The following GNL2 variants were observed in gnomAD, a reference collection of about 807,000 sequenced individuals.
GNL2 encodes the protein G protein nucleolar 2.
GNL2 carries 51 observed loss-of-function variants against 92.3 expected under a neutral mutation model. That is an observed-to-expected ratio of 0.55 (90% CI 0.44 to 0.70). The LOEUF (loss-of-function observed/expected upper bound fraction) is 0.70, where lower values mean the gene tolerates loss of function less well. Ranked by LOEUF, GNL2 falls within the 30% of genes least tolerant of loss-of-function variation. The pLI, the probability that GNL2 is intolerant of heterozygous loss-of-function variation, is 0.00. For missense variants in GNL2, 844 were observed against 895.6 expected (o/e 0.94, Z 0.74); for synonymous variants, 283 against 300.6 (o/e 0.94, Z 0.61).
intron 1 of GNL2, 148 bp from the exon 2 acceptor site, chr1:37,593,994 C>T (rs1336616227): frequency 8.7e-6 from 5 of 577,172 alleles, no homozygotes; most frequent in Non-Finnish European, 1.2e-5. Flanking sequence ...TATGTTGCTC[C>T]AATAATTAGT....
chr1:37,585,302 G>A (rs1156950671), intron 5 of GNL2, among the ~76,000 whole-genome samples: 2 of 151,674 alleles, frequency 1.3e-5, no homozygotes, highest in Non-Finnish European at 1.5e-5. Flanking sequence ...CAGGTGATCC[G>A]CCCGCCTCAG....
chr1:37,587,320 G>C lies in GNL2; in HGVS notation c.560C>G (p.Thr187Ser). Residue 187 changes from threonine (T) to serine (S), a missense_variant, in exon 5 of 16, where the codon ACT becomes AGT. By Grantham distance (58) the Thr-to-Ser change is moderately conservative. Coordinates refer to ENST00000373062, the MANE Select transcript of GNL2 (RefSeq NM_013285.3). ...AAAAAAAAAAATGTACCTCACACCA[G>C]TGTCTTCAGTTACCAAATCACGATC... is the stretch of plus-strand genomic sequence containing the variant. ...GKDRDLVTED[T>S]GVRNEAQEEI... The C allele has an allele frequency of 6.3e-7, 1 of 1,582,764 alleles. No individual in the cohort carries two copies. The highest frequency in any genetic ancestry group is 8.6e-7 in the Non-Finnish European group (1 of 1,163,974).
intron 13 of GNL2, 99 bp from the exon 14 acceptor site, chr1:37,568,456 C>T (rs1643542314): frequency 1.4e-6 from 1 of 738,038 alleles, no homozygotes; most frequent in South Asian, 1.6e-5. Context: ...AGAAACCCCA[C>T]TCCTATCCAA....
intron 9 of GNL2, 112 bp downstream of exon 9, chr1:37,576,313 ACTC>A: frequency 2.2e-6 from 2 of 907,466 alleles, no homozygotes; most frequent in Non-Finnish European, 3.4e-6. Context: ...GGTGAGCTAA[ACTC>A]CTAGTGGTGG....
In GNL2 at chr1:37,595,747, T is replaced by G. The variant is rs1269408687; in HGVS notation, c.64+12A>C. On this transcript the variant is annotated intron_variant, in intron 1 of 15. Transcript: ENST00000373062. ...TCCAAGCTCCACCCTCGATCAGCCC[T>G]GCCGCCTGTACCTGGGTTTGTGCTG... 6 of 1,612,956 alleles carry G rather than the reference T, an allele frequency of 3.7e-6. No homozygotes were observed. Among genetic ancestry groups the G allele is most frequent in the Non-Finnish European group, 5.1e-6 (6 of 1,178,990 alleles).
intron 3 of GNL2, 151 bp from the exon 4 acceptor site, chr1:37,590,996 G>A: frequency 1.5e-6 from 1 of 656,918 alleles, no homozygotes; most frequent in Non-Finnish European, 2.5e-6. Context: ...CTTAAAAGAG[G>A]AAAAAACCAA....
chr1:37,572,229 TC>T (rs929882810), intron 12 of GNL2, among the ~76,000 whole-genome samples: 1 of 152,136 alleles, frequency 6.6e-6, no homozygotes, highest in African/African-American at 2.4e-5. Context: ...GCCTACTGTC[TC>T]CCTGTGATAT....
intron 12 of GNL2, among the ~76,000 whole-genome samples, chr1:37,572,087 C>T (rs573971923): frequency 6.6e-6 from 1 of 152,136 alleles, no homozygotes; most frequent in Non-Finnish European, 1.5e-5. Flanking sequence ...ATATTAAGGG[C>T]TCTGCTGAAG....
At chr1:37,577,143 C>G (rs1220785042) in intron 8 of GNL2, among the ~76,000 whole-genome samples, 1 of 151,642 alleles carries the variant, frequency 6.6e-6, no homozygotes, top group Non-Finnish European at 1.5e-5. Context: ...AGAAAAACAG[C>G]TTGTTAGTCA....
intron 5 of GNL2, 36 bp downstream of exon 5, chr1:37,587,275 A>AC (rs1643862637): frequency 1.3e-6 from 2 of 1,504,920 alleles, no homozygotes; most frequent in Non-Finnish European, 1.8e-6. Context: ...TCAAAAAAAA[A>AC]AAAACAAAAA....
Position 37,581,209 on chromosome 1 carries a change from G to A in GNL2, c.909+1014C>T, listed in dbSNP as rs1476550376. On this transcript the variant is annotated intron_variant, in intron 8 of 15. Coordinates refer to ENST00000373062, the MANE Select transcript of GNL2 (RefSeq NM_013285.3). ...ATAAGCATGTACTAAAAATATGGAG[G>A]AAAATAACAGAACTAATGGCTATTG... 8 of 368,856 alleles carry A rather than the reference G, an allele frequency of 2.2e-5. No individual in the cohort carries two copies. The East Asian group carries it at 2.2e-4, about 10-fold the overall frequency. The allele number at this position is 368,856 out of a possible 1,614,324, so 22.8% of individuals were successfully genotyped here.
chr1:37,582,066 T>C (rs1015307604), intron 8 of GNL2, among the ~76,000 whole-genome samples, 157 bp downstream of exon 8: 2 of 152,088 alleles, frequency 1.3e-5, no homozygotes, highest in Non-Finnish European at 2.9e-5. Flanking sequence ...GCTCCAGCAA[T>C]CCTCCTGCCT....
At chr1:37,569,357 A>G in intron 12 of GNL2, 55 bp from the exon 13 acceptor site, 2 of 1,206,552 alleles carry the variant, frequency 1.7e-6, no homozygotes, top group Non-Finnish European at 2.4e-6. Flanking sequence ...GAAAAATGGA[A>G]TTTCTGAACT....
rs775991024 is a variant in GNL2, at chr1:37,582,269, G to C, written c.863C>G (p.Pro288Arg). ...CTGAATGAATGCTCCCTTGCCAAACGGGTTAGTAAGGCTTGCATGGAAAGC... is the reference window on the plus strand; with the variant it reads ...CTGAATGAATGCTCCCTTGCCAAACCGGTTAGTAAGGCTTGCATGGAAAGC... ...TLAFHASLTN[P>R]FGKGAFIQLL... The change falls in exon 8 of 16, where the codon CCG becomes CGG. Residue 288 changes from proline to arginine, a missense_variant. By Grantham distance (103) the Pro-to-Arg change is moderately radical. Coordinates refer to ENST00000373062, the MANE Select transcript of GNL2 (RefSeq NM_013285.3). The C allele has an allele frequency of 6.2e-7, 1 of 1,612,920 alleles. No individual in the cohort carries two copies. The highest frequency in any genetic ancestry group is 8.5e-7 in the Non-Finnish European group (1 of 1,179,434).
At chr1:37,572,322 C>T (rs1643606821) in intron 12 of GNL2, among the ~76,000 whole-genome samples, 1 of 152,138 alleles carries the variant, frequency 6.6e-6, no homozygotes, top group South Asian at 2.1e-4. Flanking sequence ...TGATTACAAG[C>T]CCCTTTCCAC....
At chr1:37,577,331 CAGGGTG>C (rs1349467914) in intron 8 of GNL2, among the ~76,000 whole-genome samples, 2 of 152,030 alleles carry the variant, frequency 1.3e-5, no homozygotes, top group Non-Finnish European at 2.9e-5. Context: ...GTTACGACTA[CAGGGTG>C]AAAGTCTCAA....
chr1:37,593,799 T>C lies in GNL2; in HGVS notation c.112A>G (p.Ile38Val). ...GGQNMRDRATIRRLNMYRQKE... is the reference protein window; with the variant it reads ...GGQNMRDRATVRRLNMYRQKE... The stretch of plus-strand genomic sequence containing the variant: ...TGCCTATACATATTCAGGCGCCGGA[T>C]GGTGGCCCGGTCCCTCATGTTTTGG... The change falls in exon 2 of 16, where the codon ATC becomes GTC. Residue 38 changes from isoleucine (I) to valine (V), a missense_variant. By Grantham distance (29) the Ile-to-Val change is conservative (BLOSUM62 3). Transcript: ENST00000373062. The C allele has an allele frequency of 1.9e-6, 3 of 1,614,138 alleles. No individual in the cohort carries two copies. Among genetic ancestry groups the C allele is most frequent in the Non-Finnish European group, 2.5e-6 (3 of 1,180,006 alleles).
chr1:37,579,722 C>G (rs1445434451), intron 8 of GNL2, among the ~76,000 whole-genome samples: 1 of 151,064 alleles, frequency 6.6e-6, no homozygotes, highest in Admixed American at 6.6e-5. Context: ...ATGGTGAAAA[C>G]CCGTCTCTAC....
At chr1:37,585,104 G>A (rs1395252151) in intron 5 of GNL2, among the ~76,000 whole-genome samples, 1 of 52 alleles carries the variant, frequency 0.019, no homozygotes, top group East Asian at 0.17. Flanking sequence ...CTGTCGCCCA[G>A]GCTGGAATGA....
Sources: gnomAD v4.1 joint callset for allele counts (sites outside exome capture counted in the v4.1 genomes callset) on GRCh38, gnomAD v4.1.1 for gene constraint, MANE v1.5 for transcripts, NCBI Gene and HGNC (gene_info 2026-07-23, HGNC 2026-07-21) for gene names.